NAALADL2: variants seen among roughly 807,000 people sequenced by gnomAD.
NAALADL2 encodes the protein N-acetylated alpha-linked acidic dipeptidase like 2.
NAALADL2 carries 76 observed loss-of-function variants against 87.2 expected under a neutral mutation model. The observed-to-expected ratio is 0.87, with a 90% confidence interval of 0.72 to 1.05. NAALADL2 has a LOEUF of 1.05. Among genes scored for constraint, NAALADL2 ranks in the 50% least tolerant of loss-of-function variants. NAALADL2 has a pLI of 0.00. For missense variants in NAALADL2, 1,089 were observed against 945.8 expected (o/e 1.15, Z -1.99); for synonymous variants, 354 against 331.0 (o/e 1.07, Z -0.75).
At chr3:174,962,419 A>ATATATATATATATATG (rs1742233043) in intron 1 of NAALADL2, among the ~76,000 whole-genome samples, 1 of 141,240 alleles carries the variant, frequency 7.1e-6, no homozygotes, top group African/African-American at 2.6e-5. Flanking sequence ...TGACATATAT[A>ATATATATATATATATG]TATATATATA....
intron 1 of NAALADL2, among the ~76,000 whole-genome samples, chr3:174,956,690 C>G (rs944256054): frequency 4.6e-5 from 7 of 151,858 alleles, no homozygotes; most frequent in African/African-American, 1.7e-4. Flanking sequence ...CTTCTTTGGG[C>G]CTGCCAGTTC....
rs370925351 is a variant in NAALADL2, at chr3:174,761,662, ATG to A, written c.-9+23919_-9+23920del. On this transcript the variant is annotated intron_variant, in intron 3 of 3. Transcript: ENST00000434257. ...TTAAGTTTTAGGGTACATGTACACA[ATG>A]TGCAGGTTTGTTACATATGTATACA... Among the ~76,000 whole-genome samples, 527 of 152,230 alleles carry A rather than the reference ATG, an allele frequency of 3.5e-3. 2 individuals are homozygous for A. The highest frequency in any genetic ancestry group is 8.6e-3 in the African/African-American group (358 of 41,532).
At chr3:175,789,135 A>G (rs1752474257) in intron 13 of NAALADL2, among the ~76,000 whole-genome samples, 2 of 152,304 alleles carry the variant, frequency 1.3e-5, no homozygotes, top group East Asian at 1.9e-4. Flanking sequence ...AATTAACTGA[A>G]AACTCAACAA....
chr3:174,672,945 C>T (rs1486306727), intron 2 of NAALADL2, among the ~76,000 whole-genome samples: 1 of 151,530 alleles, frequency 6.6e-6, no homozygotes, highest in Non-Finnish European at 1.5e-5. Flanking sequence ...AAAGGGGAAA[C>T]TGTCGTGGGG....
intron 3 of NAALADL2, among the ~76,000 whole-genome samples, chr3:175,239,745 C>A (rs1212105898): frequency 6.6e-6 from 1 of 152,188 alleles, no homozygotes; most frequent in African/African-American, 2.4e-5. Context: ...TTCAACAGCC[C>A]AGACTAGCAT....
intron 2 of NAALADL2, chr3:174,551,181 T>G (rs1231649356): frequency 1.3e-5 from 2 of 152,158 alleles, no homozygotes; most frequent in Non-Finnish European, 2.9e-5. Flanking sequence ...TTTGATGAGA[T>G]AGCAGTCTAA....
intron 2 of NAALADL2, among the ~76,000 whole-genome samples, chr3:174,703,386 G>T (rs1290549805): frequency 6.6e-6 from 1 of 151,144 alleles, no homozygotes; most frequent in Admixed American, 6.6e-5. Flanking sequence ...AATATGAAGA[G>T]ATATGATTAG....
chr3:174,945,714 T>C (rs1165359835), intron 1 of NAALADL2, among the ~76,000 whole-genome samples: 4 of 152,116 alleles, frequency 2.6e-5, no homozygotes, highest in Non-Finnish European at 4.4e-5. Flanking sequence ...AAGAATGGAA[T>C]TGGAGAGGTC....
At chr3:174,723,950 G>A (rs980741174) in intron 2 of NAALADL2, among the ~76,000 whole-genome samples, 3 of 151,886 alleles carry the variant, frequency 2.0e-5, no homozygotes, top group African/African-American at 4.8e-5. Flanking sequence ...CCTTGATGAC[G>A]TCTTTGAGCA....
At chr3:174,892,024 G>T (rs1282306699) in intron 1 of NAALADL2, among the ~76,000 whole-genome samples, 1 of 152,092 alleles carries the variant, frequency 6.6e-6, no homozygotes, top group Non-Finnish European at 1.5e-5. Context: ...GGCTTGGGGT[G>T]CCCCCTAAAG....
At chr3:174,814,930 C>T (rs889561480) in intron 3 of NAALADL2, among the ~76,000 whole-genome samples, 1 of 152,092 alleles carries the variant, frequency 6.6e-6, no homozygotes, top group South Asian at 2.1e-4. Flanking sequence ...AATGAATGGT[C>T]GCATTTCAAT....
chr3:175,445,876 C>T (rs1251356526), intron 5 of NAALADL2, among the ~76,000 whole-genome samples: 1 of 152,124 alleles, frequency 6.6e-6, no homozygotes, highest in African/African-American at 2.4e-5. Flanking sequence ...TCTCACTAAT[C>T]TGGTCTTCCT....
rs116394144 is a variant in NAALADL2 at position 175,281,877 on chromosome 3, C to T, written c.939+25347C>T. ...TTCTTCTCTGTCACTTAACAAAATA[C>T]TTTATGAGTTATTTTAAGATTCACT... On this transcript the variant is annotated intron_variant, in intron 4 of 13. Coordinates refer to ENST00000454872, the MANE Select transcript of NAALADL2 (RefSeq NM_207015.3). 2.0e-3 allele frequency among the ~76,000 whole-genome samples: 302 copies of T among 152,038 alleles called. 1 individual carries two copies. Among genetic ancestry groups the T allele is most frequent in the African/African-American group, 7.1e-3 (294 of 41,528 alleles).
intron 3 of NAALADL2, among the ~76,000 whole-genome samples, chr3:174,794,558 A>G (rs1308819044): frequency 3.3e-5 from 5 of 152,150 alleles, no homozygotes; most frequent in African/African-American, 9.6e-5. Context: ...CTAATGCAGG[A>G]TATCTTTTTC....
intron 2 of NAALADL2, among the ~76,000 whole-genome samples, chr3:174,662,903 AT>A (rs1366070411): frequency 6.6e-6 from 1 of 152,172 alleles, no homozygotes; most frequent in Non-Finnish European, 1.5e-5. Flanking sequence ...GTGGGTCTGT[AT>A]TTATTATGTA....
intron 1 of NAALADL2, among the ~76,000 whole-genome samples, chr3:175,039,043 G>C (rs1457247938): frequency 2.6e-5 from 4 of 152,038 alleles, no homozygotes; most frequent in Non-Finnish European, 5.9e-5. Flanking sequence ...GCTAGGAGTA[G>C]CACCCCCCTT....
chr3:175,732,853 A>G (rs190642155), intron 11 of NAALADL2, among the ~76,000 whole-genome samples: 13 of 147,760 alleles, frequency 8.8e-5, no homozygotes, highest in East Asian at 4.3e-4. Context: ...TGGTTTTTCA[A>G]TGAGAACACA....
intron 6 of NAALADL2, among the ~76,000 whole-genome samples, chr3:175,449,289 G>C (rs991433410): frequency 3.3e-5 from 5 of 151,974 alleles, no homozygotes; most frequent in South Asian, 2.1e-4. Flanking sequence ...TATGTTGCCA[G>C]GGCTAGTCTC....
chr3:174,783,580 C>T (rs967401023), intron 3 of NAALADL2, among the ~76,000 whole-genome samples: 2 of 151,978 alleles, frequency 1.3e-5, no homozygotes, highest in Non-Finnish European at 2.9e-5. Context: ...CAAATTTAGC[C>T]CATAGACCTG....
Sources: allele counts gnomAD v4.1 joint callset (sites outside exome capture counted in the v4.1 genomes callset), GRCh38; gene constraint gnomAD v4.1.1; transcripts MANE v1.5; gene names NCBI Gene and HGNC (gene_info 2026-07-23, HGNC 2026-07-21).